GALNT13: variants seen among roughly 807,000 people sequenced by gnomAD.
GALNT13 encodes the protein polypeptide N-acetylgalactosaminyltransferase 13, also known as UDP-GalNAc:polypeptide N-acetylgalactosaminyltransferase 13.
In GALNT13, 28 loss-of-function variants were observed where a neutral mutation model predicts 64.2. The ratio of observed to expected loss-of-function variants is 0.44; its 90% CI spans 0.32 to 0.60. The LOEUF is 0.60. Among genes scored for constraint, GALNT13 ranks in the 20% least tolerant of loss-of-function variants. The pLI, the probability that GALNT13 is intolerant of heterozygous loss-of-function variation, is 0.05. For synonymous variants in GALNT13, 214 were observed against 224.6 expected, an observed-to-expected ratio of 0.95 and a Z score of 0.42; for missense variants, 577 against 669.8, an observed-to-expected ratio of 0.86 and a Z score of 1.53.
At chr2:153,831,301 G>A in the GALNT13 span, among the ~76,000 whole-genome samples, 523 of 152,214 alleles carry the variant, frequency 3.4e-3, 4 homozygotes, top group African/African-American at 0.012. Context: ...AATGCTGGAG[G>A]TAGGGCTCTG....
the GALNT13 span, among the ~76,000 whole-genome samples, chr2:153,510,843 A>T: frequency 6.6e-6 from 1 of 151,964 alleles, no homozygotes; most frequent in Non-Finnish European, 1.5e-5. Context: ...GCCGTGGTGT[A>T]GGTTTCAACT....
the GALNT13 span, among the ~76,000 whole-genome samples, chr2:153,588,615 C>A: frequency 6.6e-6 from 1 of 152,194 alleles, no homozygotes; most frequent in East Asian, 1.9e-4. Flanking sequence ...CCTAGGCCTC[C>A]AGGCCTGTGA....
intron 9 of GALNT13, among the ~76,000 whole-genome samples, chr2:154,346,092 C>T (rs915948581): frequency 6.6e-6 from 1 of 151,904 alleles, no homozygotes; most frequent in African/African-American, 2.4e-5. Flanking sequence ...AGCCTAGCTC[C>T]AGTCTTTACT....
the GALNT13 span, among the ~76,000 whole-genome samples, chr2:153,157,408 A>G: frequency 6.4e-4 from 98 of 152,290 alleles, no homozygotes; most frequent in East Asian, 0.015. Flanking sequence ...GTACATTGCA[A>G]TGGGCTCTGT....
the GALNT13 span, among the ~76,000 whole-genome samples, chr2:153,462,604 A>G: frequency 6.6e-6 from 1 of 152,120 alleles, no homozygotes; most frequent in South Asian, 2.1e-4. Flanking sequence ...AAATAAATCT[A>G]TGCAACTGGT....
At chr2:154,325,648 T>C (rs1694838841) in intron 9 of GALNT13, among the ~76,000 whole-genome samples, 1 of 152,104 alleles carries the variant, frequency 6.6e-6, no homozygotes, top group African/African-American at 2.4e-5. Flanking sequence ...TATACTTTGA[T>C]GGGGTACGTG....
intron 9 of GALNT13, among the ~76,000 whole-genome samples, chr2:154,369,668 A>G (rs937439879): frequency 6.6e-6 from 1 of 152,274 alleles, no homozygotes; most frequent in East Asian, 1.9e-4. Context: ...ATTAAGTTTC[A>G]ACATGAGGTT....
At chr2:153,669,484 A>T in the GALNT13 span, among the ~76,000 whole-genome samples, 4 of 152,218 alleles carry the variant, frequency 2.6e-5, no homozygotes, top group Admixed American at 1.3e-4. Flanking sequence ...AAACCTGCAC[A>T]TGTATCCTTA....
chr2:153,855,958 A>G, the GALNT13 span, among the ~76,000 whole-genome samples: 1 of 152,176 alleles, frequency 6.6e-6, no homozygotes, highest in Non-Finnish European at 1.5e-5. Flanking sequence ...TATATTAAAG[A>G]AATCTCACAA....
At chr2:153,993,784 G>T (rs1455327874) in intron 3 of GALNT13, among the ~76,000 whole-genome samples, 1 of 151,474 alleles carries the variant, frequency 6.6e-6, no homozygotes, top group African/African-American at 2.4e-5. Context: ...TGGTGGTAAT[G>T]ACTTTTATTC....
At chr2:153,483,336 A>G in the GALNT13 span, among the ~76,000 whole-genome samples, 1 of 152,260 alleles carries the variant, frequency 6.6e-6, no homozygotes, top group East Asian at 1.9e-4. Context: ...ACGTCCATCA[A>G]CAAATGAAGT....
the GALNT13 span, among the ~76,000 whole-genome samples, chr2:153,861,575 T>C: frequency 1.3e-5 from 1 of 74,996 alleles, no homozygotes; most frequent in East Asian, 2.5e-4. Context: ...TTTTTTTTTT[T>C]TTTTTTTTGA....
At chr2:154,194,046 A>G (rs1686743793) in intron 4 of GALNT13, among the ~76,000 whole-genome samples, 1 of 152,232 alleles carries the variant, frequency 6.6e-6, no homozygotes, top group African/African-American at 2.4e-5. Context: ...ACTGCACAGC[A>G]GAATCACCCA....
At chr2:153,473,299 A>C in the GALNT13 span, among the ~76,000 whole-genome samples, 1 of 152,204 alleles carries the variant, frequency 6.6e-6, no homozygotes, top group Admixed American at 6.5e-5. Flanking sequence ...AATAAGATGT[A>C]TACATATAAA....
chr2:153,920,641 T>A (rs1408573432), intron 2 of GALNT13, among the ~76,000 whole-genome samples: 1 of 152,048 alleles, frequency 6.6e-6, no homozygotes, highest in Non-Finnish European at 1.5e-5. Context: ...TGGGACCTAA[T>A]TAAACTAAAG....
chr2:154,275,124 A>T (rs1691571615), intron 8 of GALNT13, among the ~76,000 whole-genome samples: 1 of 152,182 alleles, frequency 6.6e-6, no homozygotes, highest in Admixed American at 6.5e-5. Flanking sequence ...ATTTAAGAAG[A>T]AGCAGAGCCT....
the GALNT13 span, among the ~76,000 whole-genome samples, chr2:153,817,360 C>G: frequency 6.6e-6 from 1 of 152,172 alleles, no homozygotes; most frequent in Non-Finnish European, 1.5e-5. Flanking sequence ...TAGCAAAGAA[C>G]CCTGATAAAT....
At chr2:153,708,606 G>T in the GALNT13 span, among the ~76,000 whole-genome samples, 2 of 152,026 alleles carry the variant, frequency 1.3e-5, no homozygotes, top group Non-Finnish European at 2.9e-5. Context: ...GGATTCCCTT[G>T]CAGTCTTGAA....
At chr2:153,832,102 A>G in the GALNT13 span, among the ~76,000 whole-genome samples, 1 of 152,154 alleles carries the variant, frequency 6.6e-6, no homozygotes. Flanking sequence ...GTTTGTAGCT[A>G]TGTTAAAAGT....
Sources: gnomAD v4.1 joint callset for allele counts (sites outside exome capture counted in the v4.1 genomes callset) on GRCh38, gnomAD v4.1.1 for gene constraint, MANE v1.5 for transcripts, NCBI Gene and HGNC (gene_info 2026-07-23, HGNC 2026-07-21) for gene names.